The following TOM1L1 variants were observed in gnomAD, a reference collection of about 807,000 sequenced individuals.
The protein encoded by TOM1L1 is TOM1-like protein 1.
In TOM1L1, 64 loss-of-function variants were observed where a neutral mutation model predicts 63.4. The observed-to-expected ratio is 1.01, with a 90% CI of 0.83 to 1.24. The LOEUF is 1.24. Ranked by LOEUF, TOM1L1 falls within the 50% of genes most tolerant of loss-of-function variation. TOM1L1 has a pLI of 0.00. For synonymous variants in TOM1L1, 166 were observed against 194.4 expected (o/e 0.85, Z 1.22); for missense variants, 536 against 567.0 (o/e 0.95, Z 0.55).
At chr17:54,944,304 G>T (rs1030535018) in intron 11 of TOM1L1, among the ~76,000 whole-genome samples, 1 of 151,950 alleles carries the variant, frequency 6.6e-6, no homozygotes, top group African/African-American at 2.4e-5. Context: ...GAAAAAATTA[G>T]CCGGGCGTGG....
At chr17:54,901,057 C>G (rs993303221) in intron 1 of TOM1L1, 134 bp downstream of exon 1, 11 of 1,215,480 alleles carry the variant, frequency 9.0e-6, no homozygotes, top group Non-Finnish European at 1.3e-5. Flanking sequence ...CCGCAACTTT[C>G]CCAAGGCACC....
rs1227738060 is a variant in TOM1L1 at position 54,912,674 on chromosome 17, C to G, written c.231C>G (p.Asp77Glu). 1.9e-6 allele frequency: 3 copies of G among 1,548,082 alleles called. No homozygotes were observed. The highest frequency in any genetic ancestry group is 4.4e-5 in the Admixed American group (2 of 45,552). Reference protein sequence around the residue: ...KEIQLTLSLIDMCVQNCGPSF... With the variant: ...KEIQLTLSLIEMCVQNCGPSF... Reference sequence around the variant, plus strand: ...TTTTTTTTCTAATTTAGCTTATTGACATGTGTGTGCAGAACTGTGGTCCAA... The same window carrying G: ...TTTTTTTTCTAATTTAGCTTATTGAGATGTGTGTGCAGAACTGTGGTCCAA... The change falls in exon 4 of 16, where the codon GAC (aspartate) becomes GAG (glutamate). Residue 77 changes from aspartate (D) to glutamate (E), a missense_variant. Asp to Glu is a conservative substitution (Grantham distance 45, BLOSUM62 2). Transcript: ENST00000575882.
chr17:54,901,085 CCT>C, intron 1 of TOM1L1, 162 bp downstream of exon 1: 1 of 941,862 alleles, frequency 1.1e-6, no homozygotes, highest in South Asian at 1.6e-5. Flanking sequence ...CACCCGGCCC[CCT>C]TTCGTCGTTT....
At position 54,961,944 on chromosome 17, in the gene TOM1L1, A is replaced by C. The variant is rs972744025; in HGVS notation, c.*711A>C. On this transcript the variant is annotated 3_prime_UTR_variant, in exon 16 of 16. Coordinates refer to ENST00000575882, the MANE Select transcript of TOM1L1 (RefSeq NM_005486.3). ...TTGTACATTTGATGACAAATAAATC[A>C]CTATTAAAACAATTTAATACTTTTT... 6 of 900,258 alleles carry C rather than the reference A, an allele frequency of 6.7e-6. No homozygotes were observed. In the African/African-American group the frequency reaches 1.1e-4, roughly 16 times the overall value. 55.8% of individuals were successfully genotyped at this position (900,258 alleles called of 1,614,324 possible). A position where few individuals can be genotyped will look rare whatever the true frequency, so the allele number is the denominator to read the frequency against.
chr17:54,919,005 G>A (rs2048637070), intron 7 of TOM1L1, among the ~76,000 whole-genome samples: 1 of 152,106 alleles, frequency 6.6e-6, no homozygotes, highest in Admixed American at 6.6e-5. Context: ...GTAACATTTT[G>A]CTAAGGATCC....
chr17:54,920,263 C>T (rs2048662689), intron 7 of TOM1L1, among the ~76,000 whole-genome samples: 1 of 152,050 alleles, frequency 6.6e-6, no homozygotes, highest in South Asian at 2.1e-4. Context: ...CGGGCATACT[C>T]TGATGGAAGG....
intron 7 of TOM1L1, 105 bp from the exon 8 acceptor site, chr17:54,929,968 T>A (rs2048830588): frequency 5.6e-6 from 8 of 1,420,150 alleles, no homozygotes; most frequent in East Asian, 4.6e-5. Flanking sequence ...CCCCACAGGC[T>A]ACTTAACGTG....
intron 6 of TOM1L1, 94 bp from the exon 7 acceptor site, chr17:54,915,652 A>AT (rs1567823956): frequency 1.2e-6 from 1 of 835,102 alleles, no homozygotes; most frequent in Non-Finnish European, 1.8e-6. Context: ...TTGCAAAAGC[A>AT]TTTTTTCATC....
At chr17:54,932,245 G>C (rs2048875613) in intron 8 of TOM1L1, among the ~76,000 whole-genome samples, 1 of 152,190 alleles carries the variant, frequency 6.6e-6, no homozygotes, top group African/African-American at 2.4e-5. Context: ...GCGTGTGAGA[G>C]GGTCGTGATT....
intron 12 of TOM1L1, among the ~76,000 whole-genome samples, chr17:54,948,381 G>A (rs1045479784): frequency 1.3e-5 from 2 of 152,028 alleles, no homozygotes; most frequent in African/African-American, 2.4e-5. Context: ...CTGAAATGCC[G>A]ATCTGACCGC....
chr17:54,912,283 G>A (rs963486305), intron 3 of TOM1L1, among the ~76,000 whole-genome samples: 1 of 152,146 alleles, frequency 6.6e-6, no homozygotes, highest in African/African-American at 2.4e-5. Flanking sequence ...AAGTGAAAGG[G>A]TGTGTCATCA....
intron 7 of TOM1L1, among the ~76,000 whole-genome samples, chr17:54,918,595 A>AG (rs2143800525): frequency 6.6e-6 from 1 of 152,244 alleles, no homozygotes; most frequent in East Asian, 1.9e-4. Context: ...ATATAAGCTG[A>AG]GGGGCTACAT....
intron 12 of TOM1L1, 131 bp from the exon 13 acceptor site, chr17:54,949,387 A>C: frequency 1.6e-6 from 1 of 633,706 alleles, no homozygotes; most frequent in Non-Finnish European, 2.7e-6. Flanking sequence ...CTAAAGTAAT[A>C]ATTAAAAACA....
chr17:54,922,566 G>C (rs2048702415), intron 7 of TOM1L1, among the ~76,000 whole-genome samples: 4 of 152,098 alleles, frequency 2.6e-5, no homozygotes, highest in Non-Finnish European at 4.4e-5. Context: ...TTGCACCATT[G>C]TTGGGCAACA....
rs370041441 is a variant in TOM1L1, at chr17:54,937,245, C to G, written c.1033+19C>G. 6.4e-5 allele frequency: 99 copies of G among 1,541,322 alleles called. 1 individual carries two copies. In the South Asian group the frequency reaches 9.5e-4, roughly 15 times the overall value. On this transcript the variant is annotated intron_variant, in intron 10 of 15. Coordinates refer to ENST00000575882, the MANE Select transcript of TOM1L1 (RefSeq NM_005486.3). ...GGCTTAAGTAAATAAACACTCAGGT[C>G]TTTTCAGACCAGCAGAAGAGCTTGA... is the stretch of plus-strand genomic sequence containing the variant.
intron 3 of TOM1L1, among the ~76,000 whole-genome samples, chr17:54,911,432 C>T (rs994033430): frequency 6.6e-6 from 1 of 152,100 alleles, no homozygotes; most frequent in Non-Finnish European, 1.5e-5. Context: ...GTGTCCAGCT[C>T]ACTGCTAAAC....
chr17:54,910,454 T>TCAAA lies in TOM1L1; in HGVS notation c.223-2195_223-2192dup, dbSNP rs527274539. 9.5e-3 allele frequency among the ~76,000 whole-genome samples: 1,452 copies of TCAAA among 152,182 alleles called. 18 individuals are homozygous for TCAAA. The highest frequency in any genetic ancestry group is 0.03 in the South Asian group (146 of 4,818). Reference sequence around the variant, plus strand: ...CTAGGTGACAGAGTGAGACCCTGTCTCAAACAAACAAACAAACAAAAATTG... The same window carrying TCAAA: ...CTAGGTGACAGAGTGAGACCCTGTCTCAAACAAACAAACAAACAAACAAAAATTG... On this transcript the variant is annotated intron_variant, in intron 3 of 15. Coordinates refer to ENST00000575882, the MANE Select transcript of TOM1L1 (RefSeq NM_005486.3).
chr17:54,913,513 AAAGT>A, intron 4 of TOM1L1, among the ~76,000 whole-genome samples: 1 of 152,172 alleles, frequency 6.6e-6, no homozygotes, highest in African/African-American at 2.4e-5. Flanking sequence ...AAAAATACAA[AAAGT>A]AAGCCAGGCG....
intron 11 of TOM1L1, among the ~76,000 whole-genome samples, chr17:54,943,148 A>G (rs912485680): frequency 2.0e-5 from 3 of 151,986 alleles, no homozygotes; most frequent in Non-Finnish European, 4.4e-5. Flanking sequence ...TGCCTGGTAT[A>G]TTTTCTTCTG....
Sources: allele counts gnomAD v4.1 joint callset (sites outside exome capture counted in the v4.1 genomes callset), GRCh38; gene constraint gnomAD v4.1.1; transcripts MANE v1.5; gene names NCBI Gene and HGNC (gene_info 2026-07-23, HGNC 2026-07-21).